The following VIRMA variants were observed in gnomAD, a reference collection of about 807,000 sequenced individuals.
VIRMA encodes vir like m6A methyltransferase associated.
A neutral mutation model predicts 182.4 loss-of-function variants in VIRMA; 65 were observed. The ratio of observed to expected loss-of-function variants is 0.36; its 90% CI spans 0.29 to 0.44. VIRMA has a LOEUF of 0.44. Ranked by LOEUF, VIRMA falls within the 20% of genes least tolerant of loss-of-function variation. VIRMA has a pLI of 1.00. For missense variants in VIRMA, 1,752 were observed against 2,158.1 expected (o/e 0.81, Z 3.73); for synonymous variants, 709 against 743.1 (o/e 0.95, Z 0.75).
At chr8:94,544,647 C>T (rs1225560031) in intron 1 of VIRMA, among the ~76,000 whole-genome samples, 12 of 115,434 alleles carry the variant, frequency 1.0e-4, no homozygotes, top group Middle Eastern at 6.3e-3. Context: ...GGTGACAGAG[C>T]GAGCGACTCT....
Sources: gnomAD v4.1 joint callset for allele counts (sites outside exome capture counted in the v4.1 genomes callset) on GRCh38, gnomAD v4.1.1 for gene constraint, MANE v1.5 for transcripts, NCBI Gene and HGNC (gene_info 2026-07-23, HGNC 2026-07-21) for gene names.